TMC3: variants seen among roughly 807,000 people sequenced by gnomAD.
TMC3 encodes transmembrane channel like 3, also known as transmembrane channel-like protein 3.
In TMC3, 98 loss-of-function variants were observed where a neutral mutation model predicts 110.6. That is an observed-to-expected ratio of 0.89 (90% confidence interval 0.75 to 1.05). TMC3 has a LOEUF of 1.05. Ranked by LOEUF, TMC3 falls within the 50% of genes least tolerant of loss-of-function variation. TMC3 has a pLI of 0.00. For missense variants in TMC3, 1,319 were observed against 1,373.2 expected, an observed-to-expected ratio of 0.96 and a Z score of 0.62; for synonymous variants, 489 against 513.1, an observed-to-expected ratio of 0.95 and a Z score of 0.63.
At chr15:81,361,771 T>A (rs562999172) in intron 4 of TMC3, 1 of 153,128 alleles carries the variant, frequency 6.5e-6, no homozygotes, top group South Asian at 2.0e-4. Context: ...CTCTTCCAGG[T>A]ATTGTGTGTG....
At chr15:81,354,706 C>A (rs988245940) in intron 9 of TMC3, among the ~76,000 whole-genome samples, 1 of 152,172 alleles carries the variant, frequency 6.6e-6, no homozygotes, top group Non-Finnish European at 1.5e-5. Flanking sequence ...GGTATACTAT[C>A]TTCTCCATGA....
At chr15:81,343,895 A>G (rs1392230734) in intron 14 of TMC3, 22 bp downstream of exon 14, 2 of 1,608,340 alleles carry the variant, frequency 1.2e-6, no homozygotes, top group East Asian at 4.5e-5. Context: ...AACTTTCCCA[A>G]CAGACACAGC....
intron 3 of TMC3, among the ~76,000 whole-genome samples, chr15:81,363,901 T>C (rs1026048726): frequency 6.6e-6 from 1 of 152,176 alleles, no homozygotes; most frequent in African/African-American, 2.4e-5. Context: ...GCATTGAGTC[T>C]CTGGCCCGTT....
intron 7 of TMC3, among the ~76,000 whole-genome samples, chr15:81,357,450 C>A (rs1243047425): frequency 6.6e-6 from 1 of 151,924 alleles, no homozygotes. Flanking sequence ...GATTTGGAGC[C>A]TCCTTATCAG....
At chr15:81,340,389 A>G (rs1183859709) in intron 16 of TMC3, among the ~76,000 whole-genome samples, 1 of 152,236 alleles carries the variant, frequency 6.6e-6, no homozygotes, top group African/African-American at 2.4e-5. Flanking sequence ...ATACACATAT[A>G]TAACATATAT....
At position 81,344,806 on chromosome 15, in the gene TMC3, T is replaced by A; in HGVS notation, c.1478A>T (p.Gln493Leu). 1.2e-6 allele frequency: 2 copies of A among 1,613,980 alleles called. No individual in the cohort carries two copies. The highest frequency in any genetic ancestry group is 1.7e-6 in the Non-Finnish European group (2 of 1,179,878). Residue 493 changes from glutamine to leucine, a missense_variant, in exon 13 of 22, where the codon CAG (glutamine) becomes CTG (leucine). Transcript: ENST00000359440. ...CTCCCAGCACTGGTCTTGTGGACTC[T>A]GAGTGTGGAGGCTAGTCTTGTTGGC... ...IKANKTSLHT[Q>L]SPQDQCWETY...
intron 4 of TMC3, 36 bp downstream of exon 4, chr15:81,362,184 G>T (rs765830767): frequency 1.3e-6 from 2 of 1,546,690 alleles, no homozygotes; most frequent in South Asian, 2.4e-5. Context: ...CACTAGCATT[G>T]CATTCCTGCC....
Position 81,332,886 on chromosome 15 carries a change from C to A in TMC3, c.2836G>T (p.Glu946Ter). ...PPSPQLSEEEEETPSRDWIKR... is the reference protein window; with the variant it reads ...PPSPQLSEEE ...ATCCAATCTCTGCTTGGCGTCTCCT[C>A]CTCTTCTTCACTCAGCTGTGGGGAG... is the stretch of plus-strand genomic sequence containing the variant. The change falls in exon 22 of 22, where the codon GAG becomes TAG. Residue 946 changes from glutamate (E) to a stop codon, truncating the protein, a stop_gained. Transcript: ENST00000359440. LOFTEE classifies it low-confidence loss of function (END_TRUNC). 1 of 1,613,390 alleles carries A rather than the reference C, an allele frequency of 6.2e-7. No homozygotes were observed.
intron 16 of TMC3, among the ~76,000 whole-genome samples, chr15:81,340,509 C>T (rs1438744149): frequency 6.6e-6 from 1 of 152,164 alleles, no homozygotes; most frequent in East Asian, 1.9e-4. Flanking sequence ...CTGATATAGA[C>T]ACACATAACC....
At position 81,372,577 on chromosome 15, in the gene TMC3, AT is replaced by A. The variant is rs577470895; in HGVS notation, c.236+13del. ...ATGCTTGTAATGATCAATAATGGCCATTGAGGCCCTTACCTCAATGCCCTCA... is the reference window on the plus strand; with the variant it reads ...ATGCTTGTAATGATCAATAATGGCCATGAGGCCCTTACCTCAATGCCCTCA... On this transcript the variant is annotated intron_variant, in intron 2 of 21. Transcript: ENST00000359440. 147 of 1,612,930 alleles carry A rather than the reference AT, an allele frequency of 9.1e-5. No homozygotes were observed. In the African/African-American group the frequency reaches 1.8e-3, roughly 20 times the overall value.
intron 10 of TMC3, among the ~76,000 whole-genome samples, chr15:81,350,997 G>A (rs190824527): frequency 6.6e-6 from 1 of 152,260 alleles, no homozygotes; most frequent in African/African-American, 2.4e-5. Flanking sequence ...AAATATTCAC[G>A]AATGACACCT....
intron 19 of TMC3, 85 bp downstream of exon 19, chr15:81,337,761 G>T: frequency 2.5e-6 from 3 of 1,177,324 alleles, no homozygotes; most frequent in South Asian, 1.3e-5. Context: ...TTGAAGATGT[G>T]ACTTCACTTG....
chr15:81,371,066 G>T (rs1056757512), intron 2 of TMC3, among the ~76,000 whole-genome samples: 1 of 152,110 alleles, frequency 6.6e-6, no homozygotes, highest in Non-Finnish European at 1.5e-5. Context: ...ACTGTACTTG[G>T]AATCAGAAAT....
chr15:81,351,336 C>G (rs559488916), intron 10 of TMC3, among the ~76,000 whole-genome samples: 59 of 118,990 alleles, frequency 5.0e-4, no homozygotes, highest in East Asian at 3.2e-3. Flanking sequence ...TTTTCTGTGT[C>G]TCTCTCTCTC....
At chr15:81,359,063 A>T (rs900680697) in intron 5 of TMC3, among the ~76,000 whole-genome samples, 1 of 152,220 alleles carries the variant, frequency 6.6e-6, no homozygotes, top group Admixed American at 6.5e-5. Context: ...TTTATATAAA[A>T]TTCAAATTTC....
intron 1 of TMC3, among the ~76,000 whole-genome samples, 180 bp downstream of exon 1, chr15:81,373,809 C>T (rs1894490043): frequency 6.6e-6 from 1 of 152,160 alleles, no homozygotes; most frequent in South Asian, 2.1e-4. Context: ...CCATTTCCCC[C>T]CATGCCCGTT....
At position 81,332,804 on chromosome 15, in the gene TMC3, T is replaced by A; in HGVS notation, c.2918A>T (p.Tyr973Phe). 6.2e-7 allele frequency: 1 copy of A among 1,611,530 alleles called. No individual in the cohort carries two copies. Among genetic ancestry groups the A allele is most frequent in the Non-Finnish European group, 8.5e-7 (1 of 1,178,878 alleles). ...CTGACTTTCGGACCTCTCCCCAATA[T>A]AAAAATGAGGAGCCCGACGGAGGTC... ...LIDLRRAPHFYIGERSESQTR... is the reference protein window; with the variant it reads ...LIDLRRAPHFFIGERSESQTR... The change falls in exon 22 of 22, where the codon TAT becomes TTT. Residue 973 changes from tyrosine (Y) to phenylalanine (F), a missense_variant. Tyr to Phe is a conservative substitution (Grantham distance 22). Transcript: ENST00000359440.
At chr15:81,355,377 T>G (rs904191857) in intron 9 of TMC3, among the ~76,000 whole-genome samples, 2 of 152,212 alleles carry the variant, frequency 1.3e-5, no homozygotes, top group Non-Finnish European at 2.9e-5. Flanking sequence ...GAACACCAAC[T>G]GGATAATATT....
chr15:81,356,867 C>T (rs1894076575), intron 7 of TMC3, among the ~76,000 whole-genome samples: 1 of 152,222 alleles, frequency 6.6e-6, no homozygotes, highest in Admixed American at 6.5e-5. Context: ...CCCAGCAGGT[C>T]ACTGCAGGTG....
Sources: allele counts gnomAD v4.1 joint callset (sites outside exome capture counted in the v4.1 genomes callset), GRCh38; gene constraint gnomAD v4.1.1; transcripts MANE v1.5; gene names NCBI Gene and HGNC (gene_info 2026-07-23, HGNC 2026-07-21).